SERF2: variants seen among roughly 807,000 people sequenced by gnomAD.
SERF2 encodes gastric cancer-related protein VRG107.
Under a neutral mutation model 10.7 loss-of-function variants are expected in SERF2, and 4 were observed. The ratio of observed to expected loss-of-function variants is 0.37; its 90% CI spans 0.18 to 0.86. SERF2 has a LOEUF of 0.86. SERF2 is among the 40% of genes least tolerant of loss of function. The pLI, the probability that SERF2 is intolerant of heterozygous loss-of-function variation, is 0.43. For synonymous variants in SERF2, 26 were observed against 26.0 expected (o/e 1.00, Z 0.01); for missense variants, 47 against 79.1 (o/e 0.59, Z 1.54).
chr15:43,792,046 G>T (rs772927044), upstream of SERF2: 2 of 486,786 alleles, frequency 4.1e-6, no homozygotes, highest in East Asian at 7.2e-5. Context: ...TCGAGCCCGC[G>T]GGAGCGCCAC....
At position 43,793,984 on chromosome 15, in the gene SERF2, C is replaced by G; in HGVS notation, c.*211C>G. ...ACTCCCGGGGGTGAGGGGGTTACCC[C>G]TTCCCAGTGTTTTTTATTCCTGTGG... On this transcript the variant is annotated 3_prime_UTR_variant, in exon 3 of 3. Coordinates refer to ENST00000249786, the MANE Select transcript of SERF2 (RefSeq NM_001018108.4). 2 of 1,508,798 alleles carry G rather than the reference C, an allele frequency of 1.3e-6. No homozygotes were observed. Among genetic ancestry groups the G allele is most frequent in the Non-Finnish European group, 1.8e-6 (2 of 1,128,982 alleles). 93.5% of individuals were successfully genotyped at this position (1,508,798 alleles called of 1,614,324 possible).
Position 43,794,240 on chromosome 15 carries a change from C to G in SERF2, c.*467C>G, listed in dbSNP as rs2141684555. ...ACTCCGGATATGCAGTAGAGGAATC[C>G]TCTAAGAACCATAGAGACTTCTTTT... On this transcript the variant is annotated 3_prime_UTR_variant, in exon 3 of 3. Coordinates refer to ENST00000249786, the MANE Select transcript of SERF2 (RefSeq NM_001018108.4). 2.3e-6 allele frequency: 1 copy of G among 425,926 alleles called. No homozygotes were observed. The highest frequency in any genetic ancestry group is 3.8e-5 in the East Asian group (1 of 26,194). 26.4% of individuals were successfully genotyped at this position (425,926 alleles called of 1,614,324 possible).
intron 1 of SERF2, among the ~76,000 whole-genome samples, chr15:43,782,650 A>C (rs933300494): frequency 3.3e-5 from 5 of 152,014 alleles, no homozygotes; most frequent in Non-Finnish European, 5.9e-5. Flanking sequence ...TCTCCCTTCT[A>C]TCTCAGCTGG....
At chr15:43,793,214 A>G (rs2087112726) in intron 2 of SERF2, 131 bp downstream of exon 2, 1 of 630,114 alleles carries the variant, frequency 1.6e-6, no homozygotes, top group South Asian at 2.0e-5. Flanking sequence ...TGCTTCCTCT[A>G]GGGTTTTATT....
Position 43,793,926 on chromosome 15 carries a change from C to T in SERF2, c.*153C>T, listed in dbSNP as rs1360553639. On this transcript the variant is annotated 3_prime_UTR_variant, in exon 3 of 3. Transcript: ENST00000249786. ...CTGCAGCGGGTCCCTTTTGTGCTTC[C>T]TTCCCCTCAGGTAGCCTCTCTCCCC... The T allele has an allele frequency of 1.9e-6, 3 of 1,563,808 alleles. No homozygotes were observed. Among genetic ancestry groups the T allele is most frequent in the Admixed American group, 1.9e-5 (1 of 51,572 alleles).
At chr15:43,786,856 C>T (rs893745752) in intron 2 of SERF2, among the ~76,000 whole-genome samples, 3 of 152,176 alleles carry the variant, frequency 2.0e-5, no homozygotes, top group Non-Finnish European at 2.9e-5. Flanking sequence ...CAACGGGAAA[C>T]AGCATTGTCA....
Position 43,794,145 on chromosome 15 carries a change from T to G in SERF2, c.*372T>G. ...GGGAGAACTCTTTAGATTCAGATTG[T>G]GGGTATGTAGACTTAATAAGTGAAA... is the stretch of plus-strand genomic sequence containing the variant. On this transcript the variant is annotated 3_prime_UTR_variant, in exon 3 of 3. Coordinates refer to ENST00000249786, the MANE Select transcript of SERF2 (RefSeq NM_001018108.4). 1.6e-6 allele frequency: 1 copy of G among 627,860 alleles called. No individual in the cohort carries two copies. Among genetic ancestry groups the G allele is most frequent in the Admixed American group, 3.1e-5 (1 of 32,196 alleles). The allele number at this position is 627,860 out of a possible 1,614,324, so 38.9% of individuals were successfully genotyped here.
intron 1 of SERF2, 158 bp from the exon 2 acceptor site, chr15:43,792,817 C>A (rs986969230): frequency 5.9e-6 from 4 of 673,558 alleles, no homozygotes; most frequent in African/African-American, 5.4e-5. Flanking sequence ...ATTCGCCACT[C>A]CCCCCTACCC....
chr15:43,780,894 A>C (rs1484210702), intron 1 of SERF2, among the ~76,000 whole-genome samples: 2 of 151,994 alleles, frequency 1.3e-5, no homozygotes, highest in African/African-American at 2.4e-5. Flanking sequence ...TCACAATTTC[A>C]CGAATAGGGG....
chr15:43,792,938 C>T lies in SERF2; in HGVS notation c.8-37C>T, dbSNP rs1380542134. ...AAGGGTCGCCGGTGTGTGGGCAGAG[C>T]GGCCCCCGCGTCTCACCTTTAATTT... On this transcript the variant is annotated intron_variant, in intron 1 of 2. Coordinates refer to ENST00000249786, the MANE Select transcript of SERF2 (RefSeq NM_001018108.4). 13 of 1,448,262 alleles carry T rather than the reference C, an allele frequency of 9.0e-6. 1 individual carries two copies. Among genetic ancestry groups the T allele is most frequent in the South Asian group, 3.6e-5 (3 of 83,268 alleles). 89.7% of individuals were successfully genotyped at this position (1,448,262 alleles called of 1,614,324 possible).
Position 43,793,826 on chromosome 15 carries a change from A to C in SERF2, c.*53A>C, listed in dbSNP as rs749008549. On this transcript the variant is annotated 3_prime_UTR_variant, in exon 3 of 3. Transcript: ENST00000249786. ...GCCCTTCGCCTGTGTGCCTGGAGCC[A>C]GTCCCACCACGCTCGCGTTTCCTCC... 4 of 1,613,864 alleles carry C rather than the reference A, an allele frequency of 2.5e-6. No individual in the cohort carries two copies. In the South Asian group the frequency reaches 3.3e-5, roughly 13 times the overall value.
chr15:43,792,103 C>G, upstream of SERF2: 1 of 547,010 alleles, frequency 1.8e-6, no homozygotes, highest in East Asian at 3.1e-5. Flanking sequence ...CGTGACCCGG[C>G]CTAGTTTCTC....
upstream of SERF2, among the ~76,000 whole-genome samples, chr15:43,790,187 T>A: frequency 6.7e-6 from 1 of 149,814 alleles, no homozygotes; most frequent in Non-Finnish European, 1.5e-5. Context: ...CGGGTGCCTG[T>A]AATCCCAGCT....
chr15:43,784,626 G>A (rs1457595909), intron 1 of SERF2, among the ~76,000 whole-genome samples: 10 of 151,900 alleles, frequency 6.6e-5, no homozygotes, highest in African/African-American at 1.4e-4. Context: ...CCGCCACTGC[G>A]CCCAGCTAAT....
upstream of SERF2, among the ~76,000 whole-genome samples, chr15:43,791,033 G>A (rs2087053711): frequency 6.6e-6 from 1 of 151,064 alleles, no homozygotes; most frequent in South Asian, 2.1e-4. Context: ...CTCCCAAAGT[G>A]CTGGGATTAC....
At chr15:43,790,055 T>C (rs1317315966), upstream of SERF2, among the ~76,000 whole-genome samples, 2 of 151,714 alleles carry the variant, frequency 1.3e-5, no homozygotes, top group African/African-American at 4.9e-5. Context: ...GGCAGGAGAA[T>C]TGCTTGAACC....
chr15:43,789,727 G>T (rs981264646), upstream of SERF2, among the ~76,000 whole-genome samples: 3 of 152,020 alleles, frequency 2.0e-5, no homozygotes, highest in African/African-American at 7.2e-5. Context: ...TCATATATAG[G>T]CTGGGCATGG....
upstream of SERF2, chr15:43,792,224 T>C: frequency 1.4e-6 from 1 of 699,442 alleles, no homozygotes; most frequent in Non-Finnish European, 2.6e-6. Context: ...TGGATCCACG[T>C]GCTTTTTCTT....
At position 43,795,448 on chromosome 15, in the gene SERF2, A is replaced by T; in HGVS notation, c.*1675A>T. On this transcript the variant is annotated 3_prime_UTR_variant, in exon 3 of 3. Transcript: ENST00000249786. Reference sequence around the variant, plus strand: ...TGAGGCAAGGAAGAAGACGAAGTGGAAGGCAGAATAGTTGTAGGAAAGATG... The same window carrying T: ...TGAGGCAAGGAAGAAGACGAAGTGGTAGGCAGAATAGTTGTAGGAAAGATG... 6.2e-7 allele frequency: 1 copy of T among 1,614,210 alleles called. No individual in the cohort carries two copies. The highest frequency in any genetic ancestry group is 8.5e-7 in the Non-Finnish European group (1 of 1,180,040).
Sources: allele counts gnomAD v4.1 joint callset (sites outside exome capture counted in the v4.1 genomes callset), GRCh38; gene constraint gnomAD v4.1.1; transcripts MANE v1.5; gene names NCBI Gene and HGNC (gene_info 2026-07-23, HGNC 2026-07-21).